Variants in TRIQK observed in about 807,000 individuals in gnomAD.
The protein encoded by TRIQK is triple QxxK/R motif-containing protein.
TRIQK carries 10 observed loss-of-function variants against 10.8 expected under a neutral mutation model. The ratio of observed to expected loss-of-function variants is 0.92; its 90% confidence interval spans 0.57 to 1.57. TRIQK has a LOEUF of 1.57. Among genes scored for constraint, TRIQK ranks in the 40% most tolerant of loss-of-function variants. TRIQK has a pLI of 0.00. For missense variants in TRIQK, 107 were observed against 97.7 expected, an observed-to-expected ratio of 1.09 and a Z score of -0.40; for synonymous variants, 33 against 33.7, an observed-to-expected ratio of 0.98 and a Z score of 0.07.
intron 1 of TRIQK, among the ~76,000 whole-genome samples, chr8:92,994,852 A>G (rs958408963): frequency 2.0e-5 from 3 of 151,898 alleles, no homozygotes; most frequent in Non-Finnish European, 4.4e-5. Context: ...GTTTCCCCCT[A>G]CAAACTTCTA....
chr8:92,907,169 C>T (rs934409811), intron 3 of TRIQK, among the ~76,000 whole-genome samples: 3 of 152,172 alleles, frequency 2.0e-5, no homozygotes, highest in Admixed American at 6.5e-5. Context: ...CTTTCTCTTT[C>T]TACCATCATT....
upstream of TRIQK, among the ~76,000 whole-genome samples, chr8:92,968,888 C>T (rs1210861522): frequency 5.9e-5 from 9 of 152,026 alleles, no homozygotes; most frequent in Admixed American, 4.6e-4. Context: ...GCTTATGTCC[C>T]GAATGATATT....
At chr8:92,914,373 C>T (rs1310560512) in intron 3 of TRIQK, among the ~76,000 whole-genome samples, 1 of 151,876 alleles carries the variant, frequency 6.6e-6, no homozygotes, top group African/African-American at 2.4e-5. Context: ...GAAGCAAAAA[C>T]AAACAAAGGA....
chr8:92,975,045 A>G (rs1025753485), intron 1 of TRIQK, among the ~76,000 whole-genome samples: 5 of 152,176 alleles, frequency 3.3e-5, no homozygotes, highest in Admixed American at 3.3e-4. Flanking sequence ...CCTGGCTCTC[A>G]GGGATGCTCA....
At chr8:92,906,638 TA>T (rs1299496106) in intron 3 of TRIQK, among the ~76,000 whole-genome samples, 2 of 149,020 alleles carry the variant, frequency 1.3e-5, no homozygotes, top group African/African-American at 5.0e-5. Flanking sequence ...ATCAAAATTT[TA>T]AAAACATTTC....
At chr8:92,979,621 T>A (rs1586520983) in intron 1 of TRIQK, among the ~76,000 whole-genome samples, 1 of 152,222 alleles carries the variant, frequency 6.6e-6, no homozygotes, top group Non-Finnish European at 1.5e-5. Context: ...TTTTTTAATA[T>A]CTTATTAAAG....
Position 92,885,397 on chromosome 8 carries a change from C to T in TRIQK, c.*1225G>A, listed in dbSNP as rs1469041028. On this transcript the variant is annotated 3_prime_UTR_variant, in exon 5 of 5. Transcript: ENST00000521988. ...TAAATACAATGTATATAATATAAAA[C>T]ACTTTGTGCACATGTTTCCAACAAT... 6.1e-6 allele frequency: 1 copy of T among 163,104 alleles called. No individual in the cohort carries two copies. Among genetic ancestry groups the T allele is most frequent in the Non-Finnish European group, 1.4e-5 (1 of 74,044 alleles). The allele number at this position is 163,104 out of a possible 1,614,324, so 10.1% of individuals were successfully genotyped here. A position where few individuals can be genotyped will look rare whatever the true frequency, so the allele number is the denominator to read the frequency against.
intron 1 of TRIQK, among the ~76,000 whole-genome samples, chr8:92,960,277 T>C (rs544095303): frequency 6.6e-6 from 1 of 152,322 alleles, no homozygotes; most frequent in Non-Finnish European, 1.5e-5. Flanking sequence ...CAGTGGACTC[T>C]ATTCTTTATT....
intron 3 of TRIQK, among the ~76,000 whole-genome samples, chr8:92,913,669 C>T (rs1247991608): frequency 6.6e-6 from 1 of 152,134 alleles, no homozygotes; most frequent in African/African-American, 2.4e-5. Flanking sequence ...CACATCCACA[C>T]TTATGTTTAC....
chr8:92,981,134 G>A (rs993538979), intron 1 of TRIQK, among the ~76,000 whole-genome samples: 4 of 151,718 alleles, frequency 2.6e-5, no homozygotes, highest in Admixed American at 2.0e-4. Flanking sequence ...TTACTTGATA[G>A]TTTTATAGGT....
chr8:92,891,642 C>A (rs1000262970), intron 4 of TRIQK, among the ~76,000 whole-genome samples: 1 of 151,776 alleles, frequency 6.6e-6, no homozygotes, highest in Non-Finnish European at 1.5e-5. Flanking sequence ...ACAATTTAAA[C>A]AACTATAAAA....
At chr8:93,006,868 C>A (rs1291488867) in intron 1 of TRIQK, among the ~76,000 whole-genome samples, 1 of 152,172 alleles carries the variant, frequency 6.6e-6, no homozygotes, top group Non-Finnish European at 1.5e-5. Flanking sequence ...TGGGACTAAG[C>A]CCCTAGCAGC....
chr8:92,978,800 C>G (rs1169787525), intron 1 of TRIQK, among the ~76,000 whole-genome samples: 1 of 152,024 alleles, frequency 6.6e-6, no homozygotes, highest in Non-Finnish European at 1.5e-5. Flanking sequence ...TTGAGAGATT[C>G]TTACTATATT....
intron 2 of TRIQK, among the ~76,000 whole-genome samples, chr8:92,936,816 T>C (rs1811010563): frequency 6.6e-6 from 1 of 151,788 alleles, no homozygotes; most frequent in Non-Finnish European, 1.5e-5. Context: ...TTATGATATA[T>C]AAAGTTTATA....
intron 1 of TRIQK, among the ~76,000 whole-genome samples, chr8:93,003,997 T>C (rs2130758852): frequency 6.6e-6 from 1 of 152,292 alleles, no homozygotes; most frequent in South Asian, 2.1e-4. Context: ...CAGGCTAGCA[T>C]TGAGTGCCTG....
chr8:93,000,796 C>CA (rs1210758143), intron 1 of TRIQK, among the ~76,000 whole-genome samples: 1 of 137,226 alleles, frequency 7.3e-6, no homozygotes, highest in South Asian at 2.3e-4. Context: ...GTGGTAACCA[C>CA]AAAAAAAATT....
chr8:93,008,155 G>C (rs1180141953), intron 1 of TRIQK, among the ~76,000 whole-genome samples: 1 of 152,164 alleles, frequency 6.6e-6, no homozygotes, highest in Non-Finnish European at 1.5e-5. Flanking sequence ...ACAGGAGGGA[G>C]AGCATCAGGA....
At chr8:92,908,287 C>T (rs915398599) in intron 3 of TRIQK, among the ~76,000 whole-genome samples, 1 of 152,146 alleles carries the variant, frequency 6.6e-6, no homozygotes, top group African/African-American at 2.4e-5. Context: ...ACACTAGCCA[C>T]ACTCATTATC....
rs543388416 is a variant in TRIQK, at chr8:92,978,962, A to G, written c.-180-24398T>C. 7.2e-5 allele frequency among the ~76,000 whole-genome samples: 11 copies of G among 152,230 alleles called. No homozygotes were observed. The South Asian group carries it at 2.3e-3, about 32-fold the overall frequency. On this transcript the variant is annotated intron_variant, in intron 1 of 4. Coordinates refer to the TRIQK transcript ENST00000520686. The stretch of plus-strand genomic sequence containing the variant: ...AGCTGATCCAATGAACACTTATTGC[A>G]TAACACACCACCATGAATCAGTGGT...
Sources: gnomAD v4.1 joint callset for allele counts (sites outside exome capture counted in the v4.1 genomes callset) on GRCh38, gnomAD v4.1.1 for gene constraint, MANE v1.5 for transcripts, NCBI Gene and HGNC (gene_info 2026-07-23, HGNC 2026-07-21) for gene names.